The following GRIK4 variants were observed in gnomAD, a reference collection of about 807,000 sequenced individuals.
GRIK4 encodes glutamate receptor ionotropic, kainate 4.
Under a neutral mutation model 104.9 loss-of-function variants are expected in GRIK4, and 40 were observed. That is an observed-to-expected ratio of 0.38 (90% CI 0.30 to 0.50). The LOEUF (loss-of-function observed/expected upper bound fraction) is 0.50, where lower values mean the gene tolerates loss of function less well. Ranked by LOEUF, GRIK4 falls within the 20% of genes least tolerant of loss-of-function variation. The pLI is 0.93. For synonymous variants in GRIK4, 485 were observed against 524.9 expected (o/e 0.92, Z 1.04); for missense variants, 1,047 against 1,308.1 (o/e 0.80, Z 3.08).
rs138327815 is a variant in GRIK4, at chr11:120,725,436, T to C, written c.82+65036T>C. On this transcript the variant is annotated intron_variant, in intron 3 of 20. Transcript: ENST00000527524. Reference sequence around the variant, plus strand: ...GTGTTGCCAAGGAAGAAGGCTTTAATTGGGTGCTGTAGCCAAGGAGATGGT... The same window carrying C: ...GTGTTGCCAAGGAAGAAGGCTTTAACTGGGTGCTGTAGCCAAGGAGATGGT... Among the ~76,000 whole-genome samples, 882 of 152,254 alleles carry C rather than the reference T, an allele frequency of 5.8e-3. 11 individuals carry two copies. The highest frequency in any genetic ancestry group is 0.016 in the African/African-American group (660 of 41,542).
At chr11:120,915,680 C>G (rs2134546938) in intron 13 of GRIK4, among the ~76,000 whole-genome samples, 1 of 152,232 alleles carries the variant, frequency 6.6e-6, no homozygotes, top group African/African-American at 2.4e-5. Flanking sequence ...CTCATGTGCT[C>G]CAGACCCTTG....
intron 7 of GRIK4, among the ~76,000 whole-genome samples, chr11:120,834,757 TC>T (rs946174379): frequency 6.6e-6 from 1 of 152,320 alleles, no homozygotes; most frequent in Admixed American, 6.5e-5. Context: ...GAGCGGCTGT[TC>T]CAGCAACGAA....
chr11:120,751,081 C>G (rs762866188), intron 3 of GRIK4, among the ~76,000 whole-genome samples: 1 of 151,992 alleles, frequency 6.6e-6, no homozygotes, highest in Non-Finnish European at 1.5e-5. Context: ...GTGGGAAGAC[C>G]CCAGTGTGAG....
chr11:120,753,444 G>T (rs1315741885), intron 3 of GRIK4, among the ~76,000 whole-genome samples: 1 of 151,994 alleles, frequency 6.6e-6, no homozygotes, highest in African/African-American at 2.4e-5. Flanking sequence ...TTGGCTGAGC[G>T]GCCTCAGACA....
chr11:120,709,671 A>G (rs565025015), intron 3 of GRIK4, among the ~76,000 whole-genome samples: 9 of 152,304 alleles, frequency 5.9e-5, no homozygotes, highest in South Asian at 2.1e-4. Flanking sequence ...AGACTATTCT[A>G]TAAGTGTTTG....
intron 9 of GRIK4, chr11:120,872,827 A>G (rs1254209474): frequency 6.4e-6 from 1 of 155,818 alleles, no homozygotes; most frequent in Non-Finnish European, 1.4e-5. Context: ...TCTCCTCCTT[A>G]GATGGCACGT....
At chr11:120,564,205 C>G (rs897105757) in intron 1 of GRIK4, among the ~76,000 whole-genome samples, 4 of 152,242 alleles carry the variant, frequency 2.6e-5, no homozygotes, top group Non-Finnish European at 5.9e-5. Context: ...CAACTCGCCC[C>G]GCTCAGACGG....
At position 120,986,369 on chromosome 11, in the gene GRIK4, C is replaced by T; in HGVS notation, c.*109C>T. 1 of 1,294,456 alleles carries T rather than the reference C, an allele frequency of 7.7e-7. No homozygotes were observed. The highest frequency in any genetic ancestry group is 3.1e-5 in the East Asian group (1 of 32,020). The allele number at this position is 1,294,456 out of a possible 1,614,324, so 80.2% of individuals were successfully genotyped here. ...AACTTGTACAGCGTCGACACCTCTC[C>T]AGATTTCGGATCCAGTCACTTTTCA... On this transcript the variant is annotated 3_prime_UTR_variant, in exon 21 of 21. Transcript: ENST00000527524.
intron 3 of GRIK4, among the ~76,000 whole-genome samples, chr11:120,773,552 T>C (rs542617750): frequency 6.6e-6 from 1 of 151,850 alleles, no homozygotes; most frequent in South Asian, 2.1e-4. Context: ...GAAGTGGGGG[T>C]GTTGCTCCTC....
intron 1 of GRIK4, among the ~76,000 whole-genome samples, chr11:120,633,933 C>T (rs544330878): frequency 5.9e-5 from 9 of 152,152 alleles, no homozygotes; most frequent in East Asian, 1.9e-4. Context: ...TCTGTGAGCA[C>T]GGGGGTGGGA....
chr11:120,798,638 C>T (rs1195117320), intron 3 of GRIK4, among the ~76,000 whole-genome samples: 2 of 152,118 alleles, frequency 1.3e-5, no homozygotes, highest in Non-Finnish European at 2.9e-5. Context: ...CACCACCATT[C>T]CTGGGTAATT....
At chr11:120,599,364 G>A (rs1001030333) in intron 1 of GRIK4, among the ~76,000 whole-genome samples, 1 of 152,180 alleles carries the variant, frequency 6.6e-6, no homozygotes, top group Non-Finnish European at 1.5e-5. Context: ...CCTGTTCTGG[G>A]CTTGAGGCTC....
intron 1 of GRIK4, among the ~76,000 whole-genome samples, chr11:120,568,887 T>C (rs890816002): frequency 2.6e-5 from 4 of 152,160 alleles, no homozygotes; most frequent in African/African-American, 9.7e-5. Context: ...AAATATGTAA[T>C]ACAACCCCAG....
At chr11:120,828,395 G>A (rs189111097) in intron 6 of GRIK4, among the ~76,000 whole-genome samples, 15 of 152,198 alleles carry the variant, frequency 9.9e-5, no homozygotes, top group African/African-American at 3.1e-4. Flanking sequence ...TGAGAAGAGG[G>A]TGGAGGCTGG....
chr11:120,520,522 G>T (rs1947783965), intron 1 of GRIK4, among the ~76,000 whole-genome samples: 1 of 152,224 alleles, frequency 6.6e-6, no homozygotes, highest in South Asian at 2.1e-4. Context: ...ATAAAGCATT[G>T]AGGAGACCCT....
At chr11:120,570,573 C>T (rs1245239572) in intron 1 of GRIK4, among the ~76,000 whole-genome samples, 1 of 152,178 alleles carries the variant, frequency 6.6e-6, no homozygotes, top group Non-Finnish European at 1.5e-5. Context: ...CACCCCACCT[C>T]AGCCTCCCGA....
chr11:120,862,632 C>T (rs1164580018), intron 9 of GRIK4, among the ~76,000 whole-genome samples: 6 of 152,146 alleles, frequency 3.9e-5, no homozygotes, highest in African/African-American at 1.2e-4. Flanking sequence ...CCACTTCCTG[C>T]GTCACGGCTC....
intron 1 of GRIK4, among the ~76,000 whole-genome samples, chr11:120,591,530 G>GT (rs1261237725): frequency 6.6e-6 from 1 of 152,178 alleles, no homozygotes; most frequent in Non-Finnish European, 1.5e-5. Flanking sequence ...AAAGCGTGTT[G>GT]TAAGGGTTAA....
chr11:120,773,281 G>C (rs1951981752), intron 3 of GRIK4, among the ~76,000 whole-genome samples: 2 of 152,212 alleles, frequency 1.3e-5, no homozygotes, highest in Non-Finnish European at 2.9e-5. Context: ...GTCTAGCCCA[G>C]CTGGAGTAGA....
Sources: allele counts gnomAD v4.1 joint callset (sites outside exome capture counted in the v4.1 genomes callset), GRCh38; gene constraint gnomAD v4.1.1; transcripts MANE v1.5; gene names NCBI Gene and HGNC (gene_info 2026-07-23, HGNC 2026-07-21).